Variants in CENPL observed in about 807,000 individuals in gnomAD.
CENPL encodes interphase centromere complex protein 33.
In CENPL, 20 loss-of-function variants were observed where a neutral mutation model predicts 35.2. That is an observed-to-expected ratio of 0.57 (90% CI 0.40 to 0.83). CENPL has a LOEUF of 0.83. CENPL is among the 40% of genes least tolerant of loss of function. The probability of loss-of-function intolerance (pLI) is 0.00; values close to 1 mark genes in which losing one functional copy is unlikely to be tolerated. For synonymous variants in CENPL, 140 were observed against 140.6 expected (o/e 1.00, Z 0.03); for missense variants, 363 against 395.8 (o/e 0.92, Z 0.70).
rs1489990736 is a variant in CENPL, at chr1:173,811,251, G to A, written c.49C>T (p.Pro17Ser). The A allele has an allele frequency of 6.2e-7, 1 of 1,613,050 alleles. No individual in the cohort carries two copies. The highest frequency in any genetic ancestry group is 1.3e-5 in the African/African-American group (1 of 74,896). Residue 17 changes from proline (P) to serine (S), a missense_variant, in exon 3 of 6, where the codon CCT (proline) becomes TCT (serine). Physicochemically the swap from Pro to Ser is moderately conservative, Grantham distance 74 (BLOSUM62 -1). Transcript: ENST00000682279. ...PESTPSASSR[P>S]EDYFIGATPL... ...GTGGCACCTATAAAGTAATCTTCAG[G>A]TCTTGAGGATGCACTAGGAGTTGAC...
intron 2 of CENPL, among the ~76,000 whole-genome samples, chr1:173,816,414 T>C (rs1651380149): frequency 6.6e-6 from 1 of 152,182 alleles, no homozygotes; most frequent in African/African-American, 2.4e-5. Flanking sequence ...GGAGGCATCA[T>C]GCCACCTCGC....
At chr1:173,802,069 G>A (rs1264287534) in intron 5 of CENPL, among the ~76,000 whole-genome samples, 2 of 151,770 alleles carry the variant, frequency 1.3e-5, no homozygotes. Context: ...CTAACTACAG[G>A]GTTGCTCTAA....
In CENPL at chr1:173,803,144, G is replaced by C; in HGVS notation, c.782C>G (p.Ala261Gly). The change falls in exon 5 of 6, where the codon GCA (alanine) becomes GGA (glycine). Residue 261 changes from alanine (A) to glycine (G), a missense_variant. Transcript: ENST00000682279. The part of the protein sequence containing the change: ...DISFAIHPED[A>G]KALWDSVHKT... ...GTGGACACTGTCCCATAGAGCTTTT[G>C]CATCCTCTGGATGTATTGCGAAAGA... is the stretch of plus-strand genomic sequence containing the variant. 6.2e-7 allele frequency: 1 copy of C among 1,613,938 alleles called. No homozygotes were observed. The highest frequency in any genetic ancestry group is 1.6e-4 in the Middle Eastern group (1 of 6,062).
intron 4 of CENPL, among the ~76,000 whole-genome samples, chr1:173,804,732 C>T (rs1479201497): frequency 6.6e-6 from 1 of 152,078 alleles, no homozygotes; most frequent in Non-Finnish European, 1.5e-5. Flanking sequence ...TTGGACAATC[C>T]ATTCAGAACA....
At chr1:173,809,067 G>A (rs535769962) in intron 3 of CENPL, among the ~76,000 whole-genome samples, 18 of 152,266 alleles carry the variant, frequency 1.2e-4, no homozygotes, top group African/African-American at 3.1e-4. Flanking sequence ...CAGGTCAGGC[G>A]TGGTGGCTCA....
intron 2 of CENPL, among the ~76,000 whole-genome samples, chr1:173,814,903 T>A (rs1651204918): frequency 6.6e-6 from 1 of 152,106 alleles, no homozygotes; most frequent in Non-Finnish European, 1.5e-5. Context: ...AGGAGCTGGT[T>A]TTTTGAAAAG....
chr1:173,809,018 A>C (rs1030057272), intron 3 of CENPL, among the ~76,000 whole-genome samples: 5 of 152,186 alleles, frequency 3.3e-5, no homozygotes, highest in African/African-American at 1.2e-4. Context: ...TCCAGCACCA[A>C]TAAGGAACTT....
At chr1:173,821,137 A>G (rs577177902) in intron 2 of CENPL, among the ~76,000 whole-genome samples, 1 of 152,346 alleles carries the variant, frequency 6.6e-6, no homozygotes, top group African/African-American at 2.4e-5. Flanking sequence ...AATAATTGCT[A>G]ACACTTATTG....
At chr1:173,806,275 G>A (rs962075347) in intron 4 of CENPL, among the ~76,000 whole-genome samples, 4 of 152,138 alleles carry the variant, frequency 2.6e-5, no homozygotes, top group Admixed American at 2.0e-4. Context: ...AGAAGCAGCA[G>A]GCATGAATAA....
intron 2 of CENPL, among the ~76,000 whole-genome samples, chr1:173,815,471 C>A (rs1651271037): frequency 6.6e-6 from 1 of 152,184 alleles, no homozygotes; most frequent in Non-Finnish European, 1.5e-5. Flanking sequence ...AGCAGCACAT[C>A]AAAAAGCTTA....
chr1:173,814,276 A>G (rs1403548697), intron 2 of CENPL, among the ~76,000 whole-genome samples: 2 of 152,148 alleles, frequency 1.3e-5, no homozygotes, highest in African/African-American at 4.8e-5. Flanking sequence ...CAGATCAACG[A>G]GACAGAAGGT....
At chr1:173,802,420 A>G (rs935030780) in intron 5 of CENPL, among the ~76,000 whole-genome samples, 8 of 152,020 alleles carry the variant, frequency 5.3e-5, no homozygotes, top group Non-Finnish European at 1.0e-4. Context: ...GTTAGCCAGC[A>G]TGGTCTCAAT....
chr1:173,810,427 G>T (rs1650697312), intron 3 of CENPL, among the ~76,000 whole-genome samples: 1 of 151,840 alleles, frequency 6.6e-6, no homozygotes, highest in Non-Finnish European at 1.5e-5. Flanking sequence ...TTAACATCTG[G>T]GTGATGAAAT....
chr1:173,818,012 G>T (rs1042220476), intron 2 of CENPL, among the ~76,000 whole-genome samples: 4 of 152,140 alleles, frequency 2.6e-5, no homozygotes, highest in Non-Finnish European at 5.9e-5. Context: ...CGAGGGGTCA[G>T]TGGCTGGGGG....
chr1:173,813,143 C>T (rs56232083), intron 2 of CENPL, among the ~76,000 whole-genome samples: 34,780 of 152,002 alleles, frequency 0.23, 4,437 homozygotes, highest in Middle Eastern at 0.39. Flanking sequence ...TAAAAAGAAA[C>T]GAACAAAGGC....
Position 173,799,711 on chromosome 1 carries a change from T to C in CENPL, c.*737A>G, listed in dbSNP as rs925541436. 2.0e-5 allele frequency: 3 copies of C among 152,220 alleles called. No homozygotes were observed. The highest frequency in any genetic ancestry group is 7.2e-5 in the African/African-American group (3 of 41,458). The allele number at this position is 152,220 out of a possible 1,614,324, so 9.4% of individuals were successfully genotyped here. ...TCCGCAGTGAAATGCTAGGAAAATG[T>C]CTTTAGAAGACAGAATTCTTTCTGA... On this transcript the variant is annotated 3_prime_UTR_variant, in exon 6 of 6. Coordinates refer to ENST00000682279, the MANE Select transcript of CENPL (RefSeq NM_001387287.1).
intron 2 of CENPL, among the ~76,000 whole-genome samples, chr1:173,811,785 G>A (rs976410204): frequency 3.9e-5 from 6 of 152,246 alleles, no homozygotes; most frequent in Non-Finnish European, 8.8e-5. Context: ...TTCCAACTGA[G>A]GTAACTGGTT....
intron 2 of CENPL, among the ~76,000 whole-genome samples, chr1:173,820,052 A>T (rs1035756247): frequency 1.3e-5 from 2 of 151,952 alleles, no homozygotes; most frequent in African/African-American, 4.8e-5. Context: ...AGCATCCCTT[A>T]CCCAAAATGC....
chr1:173,800,833 T>C (rs1348058422), intron 5 of CENPL, among the ~76,000 whole-genome samples: 2 of 152,140 alleles, frequency 1.3e-5, no homozygotes, highest in Non-Finnish European at 2.9e-5. Context: ...GGTATACACC[T>C]ATAGTCCCAG....
Sources: allele counts gnomAD v4.1 joint callset (sites outside exome capture counted in the v4.1 genomes callset), GRCh38; gene constraint gnomAD v4.1.1; transcripts MANE v1.5; gene names NCBI Gene and HGNC (gene_info 2026-07-23, HGNC 2026-07-21).